The following DENND4A variants were observed in gnomAD, a reference collection of about 807,000 sequenced individuals.
DENND4A encodes the protein C-myc promoter-binding protein.
In DENND4A, 70 loss-of-function variants were observed where a neutral mutation model predicts 199.3. The observed-to-expected ratio is 0.35, with a 90% CI of 0.29 to 0.43. DENND4A has a LOEUF of 0.43. Among genes scored for constraint, DENND4A ranks in the 20% least tolerant of loss-of-function variants. DENND4A has a pLI of 1.00. For missense variants in DENND4A, 1,723 were observed against 2,255.8 expected, an observed-to-expected ratio of 0.76 and a Z score of 4.78; for synonymous variants, 686 against 766.9, an observed-to-expected ratio of 0.89 and a Z score of 1.74.
chr15:65,744,585 T>C (rs1337087161), intron 4 of DENND4A, among the ~76,000 whole-genome samples: 2 of 152,012 alleles, frequency 1.3e-5, no homozygotes, highest in African/African-American at 4.8e-5. Flanking sequence ...CTCTCTTGCA[T>C]TTTTTTTCCT....
At position 65,756,474 on chromosome 15, in the gene DENND4A, T is replaced by C. The variant is rs780470236; in HGVS notation, c.-22-2A>G. 1.1e-5 allele frequency: 17 copies of C among 1,568,492 alleles called. 1 individual carries two copies. In the African/African-American group the frequency reaches 2.1e-4, roughly 19 times the overall value. On this transcript the variant is annotated splice_acceptor_variant, in intron 2 of 32. Transcript: ENST00000443035. LOFTEE classifies it low-confidence loss of function (5UTR_SPLICE). ...ATCTTCCATTACAGAAGGTTACATC[T>C]AAAAGGAAAGTAAAAGACTAGTACT... is the stretch of plus-strand genomic sequence containing the variant.
intron 4 of DENND4A, among the ~76,000 whole-genome samples, chr15:65,747,037 T>C (rs997771027): frequency 1.4e-5 from 2 of 146,382 alleles, no homozygotes; most frequent in African/African-American, 5.1e-5. Context: ...ACCCAGGAGG[T>C]GGAGGTTGCA....
intron 4 of DENND4A, among the ~76,000 whole-genome samples, chr15:65,742,082 G>A (rs2076274691): frequency 6.6e-6 from 1 of 152,018 alleles, no homozygotes; most frequent in African/African-American, 2.4e-5. Flanking sequence ...CCAAACTGTG[G>A]GTATAAATGA....
chr15:65,722,560 G>A (rs1396431306), intron 12 of DENND4A, among the ~76,000 whole-genome samples: 1 of 151,068 alleles, frequency 6.6e-6, no homozygotes, highest in South Asian at 2.1e-4. Context: ...ACATCCTTTT[G>A]AATTTTATTA....
At chr15:65,728,523 G>T (rs2075874995) in intron 11 of DENND4A, among the ~76,000 whole-genome samples, 1 of 136,398 alleles carries the variant, frequency 7.3e-6, no homozygotes, top group African/African-American at 2.8e-5. Context: ...CACTGTTGTT[G>T]CCCAGGCTGG....
At chr15:65,730,487 C>A (rs2075926752) in intron 9 of DENND4A, among the ~76,000 whole-genome samples, 1 of 152,070 alleles carries the variant, frequency 6.6e-6, no homozygotes, top group South Asian at 2.1e-4. Context: ...AAATGTCTAT[C>A]AACTGATAAA....
Position 65,697,286 on chromosome 15 carries a change from T to C in DENND4A, c.2931A>G (p.Lys977=), listed in dbSNP as rs2077180721. Residue 977 remains lysine (K), a synonymous_variant, in exon 21 of 33, where the codon AAA becomes AAG. Coordinates refer to ENST00000443035, the MANE Select transcript of DENND4A (RefSeq NM_001320835.1). ...TEDIQEEKDK[K]GSDCSSLSES... The stretch of plus-strand genomic sequence containing the variant: ...ACCTACAGGAACTACAATCACTCCC[T>C]TTTTTATCTTTTTCTTCTTGAATGT... 14 of 1,590,810 alleles carry C rather than the reference T, an allele frequency of 8.8e-6. No individual in the cohort carries two copies. The highest frequency in any genetic ancestry group is 1.4e-5 in the African/African-American group (1 of 74,070).
chr15:65,715,688 C>T, intron 13 of DENND4A, 65 bp from the exon 14 acceptor site: 5 of 1,428,486 alleles, frequency 3.5e-6, no homozygotes, highest in Non-Finnish European at 4.7e-6. Flanking sequence ...AGAATATTTG[C>T]ACTAGAAAGA....
chr15:65,676,380 G>C (rs1394422951), intron 24 of DENND4A, 65 bp downstream of exon 24: 2 of 1,280,018 alleles, frequency 1.6e-6, no homozygotes, highest in Non-Finnish European at 2.1e-6. Context: ...AGAAAAAAGT[G>C]AAAGTGTCAC....
At chr15:65,723,920 G>A (rs1446560311) in intron 11 of DENND4A, among the ~76,000 whole-genome samples, 1 of 152,110 alleles carries the variant, frequency 6.6e-6, no homozygotes, top group Non-Finnish European at 1.5e-5. Context: ...TTCTGGGACA[G>A]GCTCCTATAA....
At chr15:65,756,092 G>C (rs774919222) in intron 3 of DENND4A, 48 bp downstream of exon 3, 14 of 1,435,468 alleles carry the variant, frequency 9.8e-6, no homozygotes, top group Admixed American at 7.0e-5. Context: ...AATCTACAAG[G>C]CATATTATTT....
At chr15:65,730,917 A>G (rs1188286196) in intron 9 of DENND4A, among the ~76,000 whole-genome samples, 1 of 152,110 alleles carries the variant, frequency 6.6e-6, no homozygotes, top group African/African-American at 2.4e-5. Flanking sequence ...TACCTAAAAA[A>G]GTCCTTTATG....
chr15:65,701,936 G>T, intron 17 of DENND4A, 46 bp from the exon 18 acceptor site: 1 of 1,609,500 alleles, frequency 6.2e-7, no homozygotes, highest in Non-Finnish European at 8.5e-7. Flanking sequence ...ATGTCACCAT[G>T]TACATAAATC....
chr15:65,664,090 T>C (rs577254426), intron 32 of DENND4A, among the ~76,000 whole-genome samples: 3 of 152,288 alleles, frequency 2.0e-5, no homozygotes, highest in South Asian at 4.1e-4. Flanking sequence ...ATTCACAAGA[T>C]TGTACAACTA....
chr15:65,720,188 T>G (rs1202642080), intron 12 of DENND4A, among the ~76,000 whole-genome samples: 1 of 152,194 alleles, frequency 6.6e-6, no homozygotes, highest in Non-Finnish European at 1.5e-5. Context: ...TTTTTATGGT[T>G]ACATTGTAGT....
chr15:65,757,773 G>A (rs1190101890), intron 2 of DENND4A, among the ~76,000 whole-genome samples: 2 of 152,186 alleles, frequency 1.3e-5, no homozygotes, highest in Middle Eastern at 3.4e-3. Flanking sequence ...ACCTGAGGTC[G>A]GGAGTTCAAG....
At position 65,667,910 on chromosome 15, in the gene DENND4A, C is replaced by T. The variant is rs1566983453; in HGVS notation, c.4986+15G>A. ...TGATCAATTTCCAAATAAAAAAATA[C>T]ACCAAAATACATACTGTAGCTCCTT... On this transcript the variant is annotated intron_variant, in intron 28 of 32. Coordinates refer to ENST00000443035, the MANE Select transcript of DENND4A (RefSeq NM_001320835.1). The T allele has an allele frequency of 6.3e-7, 1 of 1,586,436 alleles. No homozygotes were observed. Among genetic ancestry groups the T allele is most frequent in the African/African-American group, 1.4e-5 (1 of 73,064 alleles).
At chr15:65,724,120 T>C (rs1368000052) in intron 11 of DENND4A, among the ~76,000 whole-genome samples, 2 of 151,574 alleles carry the variant, frequency 1.3e-5, no homozygotes, top group African/African-American at 4.8e-5. Context: ...TGCAGTGGCA[T>C]GATCACGGCT....
intron 22 of DENND4A, among the ~76,000 whole-genome samples, chr15:65,692,139 GA>G (rs889876501): frequency 1.3e-5 from 2 of 151,066 alleles, no homozygotes; most frequent in African/African-American, 4.8e-5. Flanking sequence ...AATGAAAAAA[GA>G]AAAAACATCC....
Sources: allele counts gnomAD v4.1 joint callset (sites outside exome capture counted in the v4.1 genomes callset), GRCh38; gene constraint gnomAD v4.1.1; transcripts MANE v1.5; gene names NCBI Gene and HGNC (gene_info 2026-07-23, HGNC 2026-07-21).